The following TCHH variants were observed in gnomAD, a reference collection of about 807,000 sequenced individuals.
The protein encoded by TCHH is trichohyalin.
Under a neutral mutation model 6.3 loss-of-function variants are expected in TCHH, and 6 were observed. The ratio of observed to expected loss-of-function variants is 0.95; its 90% confidence interval spans 0.52 to 1.88. The LOEUF (loss-of-function observed/expected upper bound fraction) is 1.88. TCHH is among the 40% of genes most tolerant of loss of function. TCHH has a pLI of 0.01. For synonymous variants in TCHH, 1,087 were observed against 963.6 expected (o/e 1.13, Z -2.37); for missense variants, 2,920 against 2,449.1 (o/e 1.19, Z -4.06).
rs1031202194 is a variant in TCHH, at chr1:152,108,896, G to A, written c.4321C>T (p.Arg1441Cys). 3 of 1,612,166 alleles carry A rather than the reference G, an allele frequency of 1.9e-6. No individual in the cohort carries two copies. Among genetic ancestry groups the A allele is most frequent in the African/African-American group, 1.3e-5 (1 of 74,264 alleles). ...KFREEEQQVR[R>C]QERERKFLEE... ...AGGAATTTTCTCTCTCGTTCCTGGC[G>A]GCGCACCTGCTGTTCCTCTTCACGG... Residue 1441 changes from arginine to cysteine, a missense_variant, in exon 3 of 3, where the codon CGC (arginine) becomes TGC (cysteine). By Grantham distance (180) the Arg-to-Cys change is radical. Transcript: ENST00000614923.
Position 152,111,767 on chromosome 1 carries a change from T to G in TCHH, c.1450A>C (p.Arg484=). The change falls in exon 3 of 3, where the codon AGG becomes CGG. Residue 484 remains arginine (R), a synonymous_variant. Coordinates refer to ENST00000614923, the MANE Select transcript of TCHH (RefSeq NM_007113.4). ...TCGAGCTTCAGCCAACGTTCGCGCC[T>G]CTCCTCCTCCTGGTCGCGCTTCAGC... The part of the protein sequence containing the change: ...QQLKRDQEEE[R]RERWLKLEEE... The G allele has an allele frequency of 6.5e-7, 1 of 1,547,924 alleles. No homozygotes were observed. Among genetic ancestry groups the G allele is most frequent in the South Asian group, 1.1e-5 (1 of 88,222 alleles).
Position 152,110,678 on chromosome 1 carries a change from G to C in TCHH, c.2539C>G (p.Gln847Glu). The C allele has an allele frequency of 6.2e-7, 1 of 1,612,982 alleles. No individual in the cohort carries two copies. The highest frequency in any genetic ancestry group is 8.5e-7 in the Non-Finnish European group (1 of 1,179,880). ...CCGTCCTCCTCCTCCTGGAGCTGTT[G>C]GGCACGCTCCCGCCGCTGGAGCTGC... is the stretch of plus-strand genomic sequence containing the variant. Reference protein sequence around the residue: ...EEQLQRRERAQQLQEEEDGLQ... With the variant: ...EEQLQRRERAEQLQEEEDGLQ... Residue 847 changes from glutamine (Q) to glutamate (E), a missense_variant, in exon 3 of 3, where the codon CAA becomes GAA. Coordinates refer to ENST00000614923, the MANE Select transcript of TCHH (RefSeq NM_007113.4).
chr1:152,114,193 C>A (rs1227740186), intron 1 of TCHH, 82 bp from the exon 2 acceptor site: 2 of 980,482 alleles, frequency 2.0e-6, no homozygotes, highest in South Asian at 3.9e-5. Context: ...TCAGGCAGAT[C>A]CCTAAATAAT....
Position 152,110,616 on chromosome 1 carries a change from C to T in TCHH, c.2601G>A (p.Glu867=). 6 of 1,614,204 alleles carry T rather than the reference C, an allele frequency of 3.7e-6. No homozygotes were observed. Among genetic ancestry groups the T allele is most frequent in the Non-Finnish European group, 5.1e-6 (6 of 1,180,036 alleles). The change falls in exon 3 of 3, where the codon GAG becomes GAA. Residue 867 remains glutamate (E), a synonymous_variant. Transcript: ENST00000614923. ...ACCTCCATTTTTGGTCGCGGCGCTGCTCCTGGCTTCGCCTCCTCTCCTGAT... is the reference window on the plus strand; with the variant it reads ...ACCTCCATTTTTGGTCGCGGCGCTGTTCCTGGCTTCGCCTCCTCTCCTGAT... ...QEDQERRRSQ[E]QRRDQKWRWQ... is the part of the protein sequence containing the mutation.
Position 152,110,732 on chromosome 1 carries a change from T to C in TCHH, c.2485A>G (p.Lys829Glu), listed in dbSNP as rs1658308989. The part of the protein sequence containing the change: ...QRRRQRRERE[K>E]ELQFLEEEEQ... ...TCTTCCTCCAGGAACTGCAGCTCTT[T>C]CTCCCTCTCGCGTCGCTGGCGGCGC... is the stretch of plus-strand genomic sequence containing the variant. The change falls in exon 3 of 3, where the codon AAA becomes GAA. Residue 829 changes from lysine to glutamate, a missense_variant. Coordinates refer to ENST00000614923, the MANE Select transcript of TCHH (RefSeq NM_007113.4). The C allele has an allele frequency of 6.2e-7, 1 of 1,610,320 alleles. No individual in the cohort carries two copies. Among genetic ancestry groups the C allele is most frequent in the African/African-American group, 1.3e-5 (1 of 74,994 alleles).
At position 152,108,469 on chromosome 1, in the gene TCHH, A is replaced by C; in HGVS notation, c.4748T>G (p.Leu1583Ter). ...CTGGCGGCGCACTTTCTGTTCCTCT[A>C]AACGGAATTTTCTGTCACGCTCTTG... ...SRQERDRKFR[L>*]EEQKVRRQEQ... The change falls in exon 3 of 3, where the codon TTA becomes TGA. Residue 1583 changes from leucine to a stop codon, truncating the protein, a stop_gained. Transcript: ENST00000614923. LOFTEE classifies it low-confidence loss of function (END_TRUNC). 6.5e-7 allele frequency: 1 copy of C among 1,540,324 alleles called. No homozygotes were observed. The highest frequency in any genetic ancestry group is 2.4e-5 in the East Asian group (1 of 41,528).
chr1:152,110,687 C>G lies in TCHH; in HGVS notation c.2530G>C (p.Glu844Gln). Residue 844 changes from glutamate to glutamine, a missense_variant, in exon 3 of 3, where the codon GAG (glutamate) becomes CAG (glutamine). Coordinates refer to ENST00000614923, the MANE Select transcript of TCHH (RefSeq NM_007113.4). ...TCCTCCTGGAGCTGTTGGGCACGCTCCCGCCGCTGGAGCTGCTCCTCTTCC... is the reference window on the plus strand; with the variant it reads ...TCCTCCTGGAGCTGTTGGGCACGCTGCCGCCGCTGGAGCTGCTCCTCTTCC... ...LEEEEQLQRRERAQQLQEEED... is the reference protein window; with the variant it reads ...LEEEEQLQRRQRAQQLQEEED... 6.2e-7 allele frequency: 1 copy of G among 1,612,962 alleles called. No homozygotes were observed. Among genetic ancestry groups the G allele is most frequent in the Admixed American group, 1.7e-5 (1 of 60,020 alleles).
At position 152,109,385 on chromosome 1, in the gene TCHH, C is replaced by T. The variant is rs759217490; in HGVS notation, c.3832G>A (p.Asp1278Asn). 4 of 1,614,258 alleles carry T rather than the reference C, an allele frequency of 2.5e-6. No homozygotes were observed. The highest frequency in any genetic ancestry group is 3.4e-6 in the Non-Finnish European group (4 of 1,180,048). ...CAGCGCCTCCTCTCTTGCTCACGATCTCGCTCTTGCTGTTCACCCAGCAGG... is the reference window on the plus strand; with the variant it reads ...CAGCGCCTCCTCTCTTGCTCACGATTTCGCTCTTGCTGTTCACCCAGCAGG... Reference protein sequence around the residue: ...QHLLGEQQERDREQERRRWQQ... With the variant: ...QHLLGEQQERNREQERRRWQQ... The change falls in exon 3 of 3, where the codon GAT becomes AAT. Residue 1278 changes from aspartate (D) to asparagine (N), a missense_variant. Transcript: ENST00000614923.
In TCHH at chr1:152,110,541, C is replaced by T. The variant is rs201706469; in HGVS notation, c.2676G>A (p.Lys892=). ...RKRRRHTLYA[K]PALQEQLRKE... Reference sequence around the variant, plus strand: ...TCCTCAGCTGCTCTTGTAGGGCTGGCTTGGCGTACAGCGTGTGGCGGCGTC... The same window carrying T: ...TCCTCAGCTGCTCTTGTAGGGCTGGTTTGGCGTACAGCGTGTGGCGGCGTC... Residue 892 remains lysine, a synonymous_variant, in exon 3 of 3, where the codon AAG becomes AAA. Coordinates refer to ENST00000614923, the MANE Select transcript of TCHH (RefSeq NM_007113.4). 9.9e-6 allele frequency: 16 copies of T among 1,614,186 alleles called. No individual in the cohort carries two copies. The East Asian group carries it at 3.6e-4, about 36-fold the overall frequency.
rs1488966972 is a variant in TCHH at position 152,107,789 on chromosome 1, G to A, written c.5428C>T (p.Gln1810Ter). 1.2e-6 allele frequency: 2 copies of A among 1,614,060 alleles called. No individual in the cohort carries two copies. The highest frequency in any genetic ancestry group is 1.7e-5 in the Admixed American group (1 of 60,012). The change falls in exon 3 of 3, where the codon CAG becomes TAG. Residue 1810 changes from glutamine to a stop codon, truncating the protein, a stop_gained. Coordinates refer to ENST00000614923, the MANE Select transcript of TCHH (RefSeq NM_007113.4). LOFTEE classifies it low-confidence loss of function (END_TRUNC). ...TCACGCTGTTGGGGGCGCAGCTGCT[G>A]TTCTTCCCTCTCCTGGCGTAGCTGT... is the stretch of plus-strand genomic sequence containing the variant. ...EEQLRQEREE[Q>*]QLRPQQRDGK... is the part of the protein sequence containing the mutation.
In TCHH at chr1:152,113,924, T is replaced by A. The variant is rs377686212; in HGVS notation, c.138+19A>T. 5.0e-6 allele frequency: 8 copies of A among 1,604,162 alleles called. No individual in the cohort carries two copies. Among genetic ancestry groups the A allele is most frequent in the Non-Finnish European group, 6.8e-6 (8 of 1,177,356 alleles). ...CATAGCCTCAAGTCAATAGATCTCA[T>A]TTTCTTGTTAGTTCTTACCCGAAGC... On this transcript the variant is annotated intron_variant, in intron 2 of 2. Coordinates refer to ENST00000614923, the MANE Select transcript of TCHH (RefSeq NM_007113.4).
Position 152,107,315 on chromosome 1 carries a change from T to C in TCHH, c.*70A>G. The C allele has an allele frequency of 7.1e-7, 1 of 1,413,884 alleles. No individual in the cohort carries two copies. Among genetic ancestry groups the C allele is most frequent in the Non-Finnish European group, 9.6e-7 (1 of 1,046,926 alleles). The allele number at this position is 1,413,884 out of a possible 1,614,324, so 87.6% of individuals were successfully genotyped here. A position where few individuals can be genotyped will look rare whatever the true frequency, so the allele number is the denominator to read the frequency against. On this transcript the variant is annotated 3_prime_UTR_variant, in exon 3 of 3. Coordinates refer to ENST00000614923, the MANE Select transcript of TCHH (RefSeq NM_007113.4). The stretch of plus-strand genomic sequence containing the variant: ...CAACCAGAAACATCTGAGTTATCAC[T>C]TGGTACCCAGTGTTTCTCATTTTCC...
Position 152,109,743 on chromosome 1 carries a change from C to A in TCHH, c.3474G>T (p.Pro1158=). The A allele has an allele frequency of 1.2e-6, 2 of 1,606,562 alleles. No individual in the cohort carries two copies. Among genetic ancestry groups the A allele is most frequent in the Non-Finnish European group, 1.7e-6 (2 of 1,176,244 alleles). The change falls in exon 3 of 3, where the codon CCG becomes CCT. Residue 1158 remains proline, a synonymous_variant. Coordinates refer to ENST00000614923, the MANE Select transcript of TCHH (RefSeq NM_007113.4). ...QEEEQLLREE[P]EKRRRQELER... ...CCAGCTCCTGGCGCCTTCTCTTCTC[C>A]GGTTCCTCTCTCAGCAGCTGCTCTT...
In TCHH at chr1:152,110,741, C is replaced by A. The variant is rs780021496; in HGVS notation, c.2476G>T (p.Glu826Ter). 16 of 1,609,630 alleles carry A rather than the reference C, an allele frequency of 9.9e-6. No individual in the cohort carries two copies. Among genetic ancestry groups the A allele is most frequent in the Non-Finnish European group, 1.4e-5 (16 of 1,179,928 alleles). ...AGGAACTGCAGCTCTTTCTCCCTCT[C>A]GCGTCGCTGGCGGCGCCGCTGCTCC... ...EKEQRRRQRR[E>*]REKELQFLEE... The change falls in exon 3 of 3, where the codon GAG becomes TAG. Residue 826 changes from glutamate (E) to a stop codon, truncating the protein, a stop_gained. Coordinates refer to ENST00000614923, the MANE Select transcript of TCHH (RefSeq NM_007113.4). LOFTEE classifies it low-confidence loss of function (END_TRUNC).
At chr1:152,114,648 A>G (rs1658466362) in intron 1 of TCHH, among the ~76,000 whole-genome samples, 1 of 152,230 alleles carries the variant, frequency 6.6e-6, no homozygotes, top group East Asian at 1.9e-4. Context: ...GAACTCTTAT[A>G]GAATATAATT....
Position 152,112,921 on chromosome 1 carries a change from T to G in TCHH, c.296A>C (p.Lys99Thr), listed in dbSNP as rs769019065. ...CTCCTTTCCGTCACACCGGGCTCGC[T>G]TCTCCTCATCCAGTCCCGTGGCCTG... is the stretch of plus-strand genomic sequence containing the variant. ...LGQATGLDEE[K>T]RARCDGKESL... The change falls in exon 3 of 3, where the codon AAG becomes ACG. Residue 99 changes from lysine to threonine, a missense_variant. Lys to Thr is a moderately conservative substitution (Grantham distance 78). Transcript: ENST00000614923. 1 of 1,613,960 alleles carries G rather than the reference T, an allele frequency of 6.2e-7. No homozygotes were observed. The highest frequency in any genetic ancestry group is 1.1e-5 in the South Asian group (1 of 91,070).
rs1367819357 is a variant in TCHH at position 152,112,333 on chromosome 1, T to A, written c.884A>T (p.Gln295Leu). ...ELRRERQEEE[Q>L]QQQRLRREQQ... Reference sequence around the variant, plus strand: ...CTCGCGCCTCAGCCTTTGCTGCTGCTGCTCTTCCTCCTGGCGCTCCCTCCT... The same window carrying A: ...CTCGCGCCTCAGCCTTTGCTGCTGCAGCTCTTCCTCCTGGCGCTCCCTCCT... Residue 295 changes from glutamine (Q) to leucine (L), a missense_variant, in exon 3 of 3, where the codon CAG (glutamine) becomes CTG (leucine). Transcript: ENST00000614923. 3 of 1,613,074 alleles carry A rather than the reference T, an allele frequency of 1.9e-6. No individual in the cohort carries two copies. Among genetic ancestry groups the A allele is most frequent in the Non-Finnish European group, 2.5e-6 (3 of 1,179,990 alleles).
intron 1 of TCHH, among the ~76,000 whole-genome samples, chr1:152,114,779 T>C (rs1427582221): frequency 6.6e-6 from 1 of 152,230 alleles, no homozygotes; most frequent in East Asian, 1.9e-4. Context: ...AACTCAGATA[T>C]AGTAAGATAT....
chr1:152,114,934 C>A (rs1658474119), intron 1 of TCHH, among the ~76,000 whole-genome samples: 1 of 152,178 alleles, frequency 6.6e-6, no homozygotes, highest in African/African-American at 2.4e-5. Context: ...AGCAGTAGAT[C>A]AATGTTATAA....
Sources: allele counts gnomAD v4.1 joint callset (sites outside exome capture counted in the v4.1 genomes callset), GRCh38; gene constraint gnomAD v4.1.1; transcripts MANE v1.5; gene names NCBI Gene and HGNC (gene_info 2026-07-23, HGNC 2026-07-21).